Variants in ERBB4 observed in about 807,000 individuals in gnomAD.
The protein encoded by ERBB4 is erb-b2 receptor tyrosine kinase 4, also known as receptor tyrosine-protein kinase erbB-4.
In ERBB4, 42 loss-of-function variants were observed where a neutral mutation model predicts 158.0. That is an observed-to-expected ratio of 0.27 (90% confidence interval 0.21 to 0.34). The LOEUF (loss-of-function observed/expected upper bound fraction) is 0.34, where lower values mean the gene tolerates loss of function less well. ERBB4 is among the 10% of genes least tolerant of loss of function. The pLI is 1.00. For synonymous variants in ERBB4, 583 were observed against 558.7 expected, an observed-to-expected ratio of 1.04 and a Z score of -0.61; for missense variants, 1,333 against 1,624.1, an observed-to-expected ratio of 0.82 and a Z score of 3.08.
intron 4 of ERBB4, among the ~76,000 whole-genome samples, chr2:211,752,049 T>C (rs539785047): frequency 1.3e-5 from 2 of 152,346 alleles, no homozygotes; most frequent in Admixed American, 6.5e-5. Flanking sequence ...CTCTGCCATC[T>C]GTTTATTTAG....
chr2:211,619,168 T>G lies in ERBB4; in HGVS notation c.2301+9A>C. ...AGAAAAATGTGATTGCCTGGGTGTC[T>G]GTACTTACATCCATGAACTCCACAT... On this transcript the variant is annotated intron_variant, in intron 19 of 27. Coordinates refer to ENST00000342788, the MANE Select transcript of ERBB4 (RefSeq NM_005235.3). 6.6e-7 allele frequency: 1 copy of G among 1,523,112 alleles called. No individual in the cohort carries two copies. Among genetic ancestry groups the G allele is most frequent in the Non-Finnish European group, 9.1e-7 (1 of 1,097,190 alleles). 94.3% of individuals were successfully genotyped at this position (1,523,112 alleles called of 1,614,324 possible).
intron 1 of ERBB4, among the ~76,000 whole-genome samples, chr2:212,129,530 T>G (rs2080045391): frequency 6.6e-6 from 1 of 151,822 alleles, no homozygotes; most frequent in South Asian, 2.1e-4. Context: ...ACTTAGGATT[T>G]TGTTTAAACT....
At chr2:211,546,919 T>G (rs1398950571) in intron 20 of ERBB4, among the ~76,000 whole-genome samples, 1 of 152,074 alleles carries the variant, frequency 6.6e-6, no homozygotes, top group African/African-American at 2.4e-5. Context: ...TGAGTGCATT[T>G]AGAAACAAAT....
chr2:211,783,034 T>G (rs2076074901), intron 4 of ERBB4, among the ~76,000 whole-genome samples: 1 of 146,996 alleles, frequency 6.8e-6, no homozygotes, highest in South Asian at 2.2e-4. Context: ...TTGTGTCCTA[T>G]TTTATTTCAT....
intron 1 of ERBB4, among the ~76,000 whole-genome samples, chr2:212,285,666 T>C (rs995337978): frequency 2.0e-5 from 3 of 152,140 alleles, no homozygotes; most frequent in Non-Finnish European, 2.9e-5. Context: ...ATAACAGATA[T>C]TCAGTTTGTT....
chr2:212,023,097 G>C (rs987436396), intron 2 of ERBB4, among the ~76,000 whole-genome samples: 17 of 152,036 alleles, frequency 1.1e-4, no homozygotes, highest in African/African-American at 4.1e-4. Context: ...TATCTGCCTA[G>C]GGAGTATAGA....
chr2:212,027,628 C>T (rs1465892609), intron 2 of ERBB4, among the ~76,000 whole-genome samples: 3 of 143,062 alleles, frequency 2.1e-5, no homozygotes, highest in South Asian at 4.7e-4. Flanking sequence ...CACTTTACAC[C>T]TCTGTTGATC....
intron 4 of ERBB4, 108 bp downstream of exon 4, chr2:211,787,917 G>C: frequency 9.5e-7 from 1 of 1,058,142 alleles, no homozygotes; most frequent in Non-Finnish European, 1.4e-6. Flanking sequence ...ACATTTCAAT[G>C]AATGCAATCA....
intron 9 of ERBB4, among the ~76,000 whole-genome samples, chr2:211,706,912 A>T (rs946346465): frequency 6.6e-6 from 1 of 152,238 alleles, no homozygotes; most frequent in African/African-American, 2.4e-5. Flanking sequence ...TTTGATGAAC[A>T]TGAAGCCAAA....
At chr2:211,428,043 C>T (rs560025151) in intron 22 of ERBB4, among the ~76,000 whole-genome samples, 1 of 151,106 alleles carries the variant, frequency 6.6e-6, no homozygotes, top group Non-Finnish European at 1.5e-5. Flanking sequence ...CATCACACAT[C>T]GGGGCCTGTC....
At chr2:211,403,091 G>C (rs985351373) in intron 25 of ERBB4, among the ~76,000 whole-genome samples, 1 of 151,918 alleles carries the variant, frequency 6.6e-6, no homozygotes, top group Non-Finnish European at 1.5e-5. Flanking sequence ...TCTCAAAGAG[G>C]CTCCACCTCT....
intron 3 of ERBB4, among the ~76,000 whole-genome samples, chr2:211,903,101 ATAAG>A (rs1419747074): frequency 1.3e-5 from 2 of 151,598 alleles, no homozygotes; most frequent in East Asian, 3.9e-4. Flanking sequence ...GTAACTTAAA[ATAAG>A]TCTCTTTCCC....
chr2:211,860,847 G>A, intron 3 of ERBB4, among the ~76,000 whole-genome samples: 1 of 143,482 alleles, frequency 7.0e-6, no homozygotes, highest in African/African-American at 2.6e-5. Context: ...GAATAATTTG[G>A]CATGAAAATA....
chr2:211,657,509 C>CAA (rs777875937), intron 16 of ERBB4: 287 of 367,208 alleles, frequency 7.8e-4, no homozygotes, highest in East Asian at 1.1e-3. Flanking sequence ...ACTCGGTCTC[C>CAA]AAAAAAAAAA....
chr2:211,736,076 T>C (rs1022594515), intron 5 of ERBB4, among the ~76,000 whole-genome samples: 4 of 151,636 alleles, frequency 2.6e-5, no homozygotes, highest in Admixed American at 2.6e-4. Context: ...GGCAGGAGGA[T>C]CACTTGAGCC....
At chr2:212,050,328 C>T (rs916149126) in intron 2 of ERBB4, among the ~76,000 whole-genome samples, 2 of 152,260 alleles carry the variant, frequency 1.3e-5, no homozygotes, top group South Asian at 2.1e-4. Flanking sequence ...TCTTAATGCA[C>T]ATATCTAATG....
chr2:211,634,974 G>A (rs1241781278), intron 16 of ERBB4, among the ~76,000 whole-genome samples: 1 of 152,122 alleles, frequency 6.6e-6, no homozygotes, highest in South Asian at 2.1e-4. Flanking sequence ...TCCAGGCCTT[G>A]AATGTGAATC....
chr2:212,027,468 T>A (rs1305154913), intron 2 of ERBB4, among the ~76,000 whole-genome samples: 1 of 152,104 alleles, frequency 6.6e-6, no homozygotes, highest in East Asian at 1.9e-4. Flanking sequence ...CAGATTAATA[T>A]GTTATTTTTA....
intron 20 of ERBB4, among the ~76,000 whole-genome samples, chr2:211,453,635 C>T (rs1250742444): frequency 2.0e-5 from 3 of 152,064 alleles, no homozygotes; most frequent in Non-Finnish European, 2.9e-5. Context: ...TGCTTTGGAT[C>T]GTAACTCCAT....
Sources: allele counts gnomAD v4.1 joint callset (sites outside exome capture counted in the v4.1 genomes callset), GRCh38; gene constraint gnomAD v4.1.1; transcripts MANE v1.5; gene names NCBI Gene and HGNC (gene_info 2026-07-23, HGNC 2026-07-21).